The following MIER1 variants were observed in gnomAD, a reference collection of about 807,000 sequenced individuals.
MIER1 encodes the protein MIER1 transcriptional regulator.
A neutral mutation model predicts 75.7 loss-of-function variants in MIER1; 40 were observed. The observed-to-expected ratio is 0.53, with a 90% CI of 0.41 to 0.69. MIER1 has a LOEUF of 0.69. MIER1 is among the 30% of genes least tolerant of loss of function. The pLI is 0.00. For synonymous variants in MIER1, 213 were observed against 223.4 expected (o/e 0.95, Z 0.42); for missense variants, 574 against 680.2 (o/e 0.84, Z 1.74).
chr1:66,948,181 A>G (rs916997213), intron 4 of MIER1: 6 of 913,148 alleles, frequency 6.6e-6, no homozygotes, highest in Admixed American at 6.2e-5. Flanking sequence ...CTCACTCAAA[A>G]GTATTGTATG....
intron 4 of MIER1, chr1:66,948,123 A>G: frequency 1.1e-6 from 1 of 903,036 alleles, no homozygotes; most frequent in Non-Finnish European, 1.3e-6. Context: ...AAGATGAAAT[A>G]AAATGACTGT....
intron 2 of MIER1, among the ~76,000 whole-genome samples, chr1:66,931,398 G>T (rs1653324758): frequency 6.6e-6 from 1 of 152,182 alleles, no homozygotes; most frequent in Non-Finnish European, 1.5e-5. Flanking sequence ...GAGAGTTCGA[G>T]ATGATGTATT....
chr1:66,953,880 A>G (rs950382760), intron 4 of MIER1, among the ~76,000 whole-genome samples: 3 of 152,176 alleles, frequency 2.0e-5, no homozygotes, highest in African/African-American at 7.2e-5. Flanking sequence ...CTGGGATTAC[A>G]GGTGTGAGCC....
chr1:66,976,242 T>TTTGC (rs1664702620), intron 11 of MIER1, among the ~76,000 whole-genome samples: 1 of 149,760 alleles, frequency 6.7e-6, no homozygotes, highest in Non-Finnish European at 1.5e-5. Context: ...GACCTCGTGA[T>TTTGC]CCACCCCCCT....
chr1:66,928,759 C>G (rs535495513), intron 2 of MIER1: 44 of 558,358 alleles, frequency 7.9e-5, no homozygotes, highest in Middle Eastern at 9.7e-4. Context: ...TCCTGAAAAA[C>G]ACTTTTATAT....
At chr1:66,926,293 C>A in intron 2 of MIER1, 51 bp downstream of exon 2, 1 of 1,324,216 alleles carries the variant, frequency 7.6e-7, no homozygotes, top group Non-Finnish European at 1.1e-6. Context: ...CAAACTCCCT[C>A]AAGTAATATA....
At chr1:66,970,661 C>A (rs1167471634) in intron 8 of MIER1, 147 bp from the exon 9 acceptor site, 2 of 502,216 alleles carry the variant, frequency 4.0e-6, no homozygotes, top group African/African-American at 2.0e-5. Context: ...ATAGTTTTTG[C>A]CCAAGAACGA....
In MIER1 at chr1:66,959,811, A is replaced by G. The variant is rs866866467; in HGVS notation, c.699+68A>G. On this transcript the variant is annotated intron_variant, in intron 7 of 13. Transcript: ENST00000401041. ...TTTTTTTAAAAAGCCTCGTGTAATT[A>G]TTTTTTTTTTTACTAACTATGTATA... 28 of 497,968 alleles carry G rather than the reference A, an allele frequency of 5.6e-5. No individual in the cohort carries two copies. In the Middle Eastern group the frequency reaches 2.1e-3, roughly 38 times the overall value. The allele number at this position is 497,968 out of a possible 1,614,324, so 30.8% of individuals were successfully genotyped here. A position where few individuals can be genotyped will look rare whatever the true frequency, so the allele number is the denominator to read the frequency against.
At chr1:66,963,005 G>T in intron 7 of MIER1, 83 bp from the exon 8 acceptor site, 3 of 937,888 alleles carry the variant, frequency 3.2e-6, no homozygotes, top group Non-Finnish European at 5.0e-6. Flanking sequence ...ACCAGGAACA[G>T]TTTACTAAGA....
At chr1:66,946,517 T>TA (rs1252021447) in intron 4 of MIER1, 15 of 1,235,176 alleles carry the variant, frequency 1.2e-5, no homozygotes, top group Non-Finnish European at 1.5e-5. Flanking sequence ...GTTACTTTGG[T>TA]AAAACATAGA....
At chr1:66,946,799 C>G in intron 4 of MIER1, 1 of 984,900 alleles carries the variant, frequency 1.0e-6, no homozygotes, top group Non-Finnish European at 1.2e-6. Flanking sequence ...ATTCACTTTT[C>G]TCTCACTACC....
At chr1:66,947,367 G>A (rs992827468) in intron 4 of MIER1, 2 of 152,080 alleles carry the variant, frequency 1.3e-5, no homozygotes, top group Non-Finnish European at 2.9e-5. Flanking sequence ...GTCCAAAACA[G>A]AACTATTGAC....
At chr1:66,977,119 T>C (rs1351725705) in intron 12 of MIER1, among the ~76,000 whole-genome samples, 1 of 152,120 alleles carries the variant, frequency 6.6e-6, no homozygotes, top group East Asian at 1.9e-4. Flanking sequence ...TCTTCTTTTT[T>C]TTTTTTTGAG....
intron 8 of MIER1, among the ~76,000 whole-genome samples, chr1:66,964,352 T>TTGG (rs1442715520): frequency 6.0e-5 from 9 of 151,080 alleles, no homozygotes; most frequent in African/African-American, 2.2e-4. Flanking sequence ...GGATTACAGG[T>TTGG]GTGAGCCACC....
chr1:66,963,514 A>G lies in MIER1; in HGVS notation c.772+354A>G, dbSNP rs545953831. Among the ~76,000 whole-genome samples the G allele has an allele frequency of 2.0e-5, 3 of 152,302 alleles. 1 individual carries two copies. Among genetic ancestry groups the G allele is most frequent in the South Asian group, 4.1e-4 (2 of 4,826 alleles). On this transcript the variant is annotated intron_variant, in intron 8 of 13. Transcript: ENST00000401041. ...AATTTAGTTTTTAGAAGTCCATTTT[A>G]TATCAATGAAAGGCATAAAAACAAA...
intron 2 of MIER1, among the ~76,000 whole-genome samples, chr1:66,927,831 A>G (rs1348373889): frequency 2.0e-5 from 3 of 152,162 alleles, no homozygotes; most frequent in African/African-American, 7.2e-5. Flanking sequence ...TTGACAGGGT[A>G]GAGAATTGAC....
intron 3 of MIER1, among the ~76,000 whole-genome samples, chr1:66,942,172 G>C (rs1656400906): frequency 6.6e-6 from 1 of 152,144 alleles, no homozygotes; most frequent in African/African-American, 2.4e-5. Context: ...ATAAAAGTTA[G>C]TAGAGAAAAT....
chr1:66,959,431 C>T (rs774019660), intron 6 of MIER1, among the ~76,000 whole-genome samples: 2 of 151,948 alleles, frequency 1.3e-5, no homozygotes, highest in Non-Finnish European at 2.9e-5. Context: ...TATTCTAAAT[C>T]AGTTTTTTCC....
chr1:66,967,096 C>T (rs1006817740), intron 8 of MIER1, among the ~76,000 whole-genome samples: 1 of 152,102 alleles, frequency 6.6e-6, no homozygotes, highest in Non-Finnish European at 1.5e-5. Flanking sequence ...AGTCCAGTGT[C>T]CTGCAGAATT....
Sources: allele counts gnomAD v4.1 joint callset (sites outside exome capture counted in the v4.1 genomes callset), GRCh38; gene constraint gnomAD v4.1.1; transcripts MANE v1.5; gene names NCBI Gene and HGNC (gene_info 2026-07-23, HGNC 2026-07-21).